FMN2: variants seen among roughly 807,000 people sequenced by gnomAD.
The protein encoded by FMN2 is formin-2.
In FMN2, 51 loss-of-function variants were observed where a neutral mutation model predicts 142.3. The ratio of observed to expected loss-of-function variants is 0.36; its 90% CI spans 0.29 to 0.45. FMN2 has a LOEUF of 0.45. Ranked by LOEUF, FMN2 falls within the 20% of genes least tolerant of loss-of-function variation. The pLI, the probability that FMN2 is intolerant of heterozygous loss-of-function variation, is 1.00. For synonymous variants in FMN2, 882 were observed against 869.8 expected (o/e 1.01, Z -0.25); for missense variants, 1,936 against 2,122.8 (o/e 0.91, Z 1.73).
chr1:240,174,114 G>C (rs1490186251), intron 2 of FMN2, among the ~76,000 whole-genome samples: 3 of 152,142 alleles, frequency 2.0e-5, no homozygotes, highest in African/African-American at 7.2e-5. Context: ...GCATGCTATA[G>C]ATAGCATATT....
intron 1 of FMN2, among the ~76,000 whole-genome samples, chr1:240,099,097 A>C (rs1661320864): frequency 6.6e-6 from 1 of 152,190 alleles, no homozygotes; most frequent in Non-Finnish European, 1.5e-5. Context: ...AGATGAAATG[A>C]AATAGCATAC....
At chr1:240,185,089 TC>T (rs11293056) in intron 3 of FMN2, among the ~76,000 whole-genome samples, 3,016 of 33,576 alleles carry the variant, frequency 0.09, 53 homozygotes, top group African/African-American at 0.1. Flanking sequence ...TCCTATACCT[TC>T]CCCCTTCTCT....
chr1:240,122,679 G>A (rs1282231045), intron 1 of FMN2, among the ~76,000 whole-genome samples: 1 of 152,156 alleles, frequency 6.6e-6, no homozygotes, highest in Non-Finnish European at 1.5e-5. Context: ...CTACTTGGGA[G>A]GCTGAGGCAG....
chr1:240,143,668 G>A, intron 2 of FMN2: 1 of 1,609,788 alleles, frequency 6.2e-7, no homozygotes, highest in Non-Finnish European at 8.5e-7. Context: ...TGCCTCGATG[G>A]CCTCACCCTT....
At chr1:240,370,531 C>T (rs757271344) in intron 14 of FMN2, among the ~76,000 whole-genome samples, 3 of 152,028 alleles carry the variant, frequency 2.0e-5, no homozygotes, top group African/African-American at 4.8e-5. Context: ...CTGTACAGCC[C>T]GAAATGTTGA....
chr1:240,170,829 T>C lies in FMN2; in HGVS notation c.1783-7092T>C. 3 of 831,098 alleles carry C rather than the reference T, an allele frequency of 3.6e-6. No individual in the cohort carries two copies. The South Asian group carries it at 4.0e-5, about 11-fold the overall frequency. 51.5% of individuals were successfully genotyped at this position (831,098 alleles called of 1,614,324 possible). ...AAGTGGCTGGTGCATCCCGGATCAT[T>C]GGTGTGGACATCCATCAAGATAAAT... On this transcript the variant is annotated intron_variant, in intron 2 of 17. Coordinates refer to ENST00000319653, the MANE Select transcript of FMN2 (RefSeq NM_020066.5).
In FMN2 at chr1:240,092,684, A is replaced by C. The variant is rs150505248; in HGVS notation, c.575A>C (p.Gln192Pro). The change falls in exon 1 of 18, where the codon CAA (glutamine) becomes CCA (proline). Residue 192 changes from glutamine (Q) to proline (P), a missense_variant. By Grantham distance (76) the Gln-to-Pro change is moderately conservative. Coordinates refer to ENST00000319653, the MANE Select transcript of FMN2 (RefSeq NM_020066.5). ...DIYSFHSATE[Q>P]EDLLSDIQQA... The stretch of plus-strand genomic sequence containing the variant: ...TATAGCTTCCATTCGGCTACGGAGC[A>C]AGAGGATTTGCTTTCAGACATCCAG... The C allele has an allele frequency of 3.1e-6, 5 of 1,614,044 alleles. No homozygotes were observed. Among genetic ancestry groups the C allele is most frequent in the Non-Finnish European group, 4.2e-6 (5 of 1,179,982 alleles).
chr1:240,247,758 G>A (rs1668128443), intron 6 of FMN2, among the ~76,000 whole-genome samples: 1 of 152,138 alleles, frequency 6.6e-6, no homozygotes, highest in Non-Finnish European at 1.5e-5. Flanking sequence ...CTACTCTCAT[G>A]TTCTGATTAG....
At chr1:240,451,724 A>G (rs1281680559) in intron 16 of FMN2, among the ~76,000 whole-genome samples, 2 of 152,124 alleles carry the variant, frequency 1.3e-5, no homozygotes, top group African/African-American at 2.4e-5. Context: ...AGCCTGATAT[A>G]GTAAAATAGT....
At chr1:240,236,260 C>T (rs1240015006) in intron 6 of FMN2, among the ~76,000 whole-genome samples, 1 of 152,112 alleles carries the variant, frequency 6.6e-6, no homozygotes, top group Non-Finnish European at 1.5e-5. Context: ...TTTTTCTCAT[C>T]TCCCTAGCAC....
intron 17 of FMN2, 61 bp from the exon 18 acceptor site, chr1:240,474,067 T>C (rs951717842): frequency 6.2e-6 from 9 of 1,446,322 alleles, no homozygotes; most frequent in Non-Finnish European, 6.6e-6. Context: ...CTACTCTAAA[T>C]TCTTTCCATT....
intron 16 of FMN2, among the ~76,000 whole-genome samples, chr1:240,443,586 C>T (rs1675700980): frequency 6.6e-6 from 1 of 152,034 alleles, no homozygotes; most frequent in South Asian, 2.1e-4. Context: ...AACCCTGTCT[C>T]CACTAAAAAT....
chr1:240,362,260 A>G (rs933802323), intron 14 of FMN2, among the ~76,000 whole-genome samples: 1 of 152,196 alleles, frequency 6.6e-6, no homozygotes, highest in Non-Finnish European at 1.5e-5. Flanking sequence ...ATATGTGACA[A>G]GAAACCATAT....
intron 3 of FMN2, among the ~76,000 whole-genome samples, chr1:240,185,402 C>A (rs1227377310): frequency 6.6e-6 from 1 of 152,122 alleles, no homozygotes; most frequent in Non-Finnish European, 1.5e-5. Flanking sequence ...TTTCAACCTG[C>A]AAATTTCTCT....
chr1:240,348,193 C>T (rs1329445793), intron 13 of FMN2, among the ~76,000 whole-genome samples: 1 of 150,258 alleles, frequency 6.7e-6, no homozygotes, highest in African/African-American at 2.5e-5. Context: ...ATTTCCTCTA[C>T]AGCCTTGCCA....
At chr1:240,173,359 C>G (rs1664788416) in intron 2 of FMN2, among the ~76,000 whole-genome samples, 1 of 152,134 alleles carries the variant, frequency 6.6e-6, no homozygotes, top group Non-Finnish European at 1.5e-5. Flanking sequence ...GATATACACT[C>G]AGGACTAGGG....
At chr1:240,358,972 A>G (rs987241721) in intron 14 of FMN2, among the ~76,000 whole-genome samples, 47 of 151,986 alleles carry the variant, frequency 3.1e-4, no homozygotes, top group African/African-American at 9.2e-4. Flanking sequence ...TAAAAATACA[A>G]AAGTTAGCCG....
At chr1:240,253,249 G>A (rs897357610) in intron 6 of FMN2, among the ~76,000 whole-genome samples, 6 of 150,734 alleles carry the variant, frequency 4.0e-5, no homozygotes, top group Non-Finnish European at 7.4e-5. Context: ...GATTACAGAC[G>A]TGAGACACTA....
At chr1:240,221,900 T>C (rs1252580443) in intron 6 of FMN2, among the ~76,000 whole-genome samples, 1 of 148,470 alleles carries the variant, frequency 6.7e-6, no homozygotes, top group Admixed American at 6.8e-5. Context: ...CAGGTTGGAG[T>C]GCAGTGGCGC....
Sources: gnomAD v4.1 joint callset for allele counts (sites outside exome capture counted in the v4.1 genomes callset) on GRCh38, gnomAD v4.1.1 for gene constraint, MANE v1.5 for transcripts, NCBI Gene and HGNC (gene_info 2026-07-23, HGNC 2026-07-21) for gene names.